PTPRC: variants seen among roughly 807,000 people sequenced by gnomAD.
The protein encoded by PTPRC is protein tyrosine phosphatase receptor type C.
Under a neutral mutation model 155.9 loss-of-function variants are expected in PTPRC, and 44 were observed. The ratio of observed to expected loss-of-function variants is 0.28; its 90% CI spans 0.22 to 0.36. The LOEUF (loss-of-function observed/expected upper bound fraction) is 0.36, where lower values mean the gene tolerates loss of function less well. Among genes scored for constraint, PTPRC ranks in the 10% least tolerant of loss-of-function variants. PTPRC has a pLI of 1.00. For missense variants in PTPRC, 1,401 were observed against 1,564.6 expected, an observed-to-expected ratio of 0.90 and a Z score of 1.76; for synonymous variants, 525 against 533.1, an observed-to-expected ratio of 0.98 and a Z score of 0.21.
At chr1:198,695,348 T>C (rs1390682725) in intron 3 of PTPRC, among the ~76,000 whole-genome samples, 4 of 151,286 alleles carry the variant, frequency 2.6e-5, no homozygotes, top group Admixed American at 6.6e-5. Flanking sequence ...TGTTGTGTGA[T>C]ATAGTTCAGT....
Position 198,756,372 on chromosome 1 carries a change from A to G in PTPRC, c.*191A>G, listed in dbSNP as rs1216047560. Reference sequence around the variant, plus strand: ...TTGCCAGAACAGTTTGTACAGACGTATGCTTATTTTAAAATTTTATCTCTT... The same window carrying G: ...TTGCCAGAACAGTTTGTACAGACGTGTGCTTATTTTAAAATTTTATCTCTT... On this transcript the variant is annotated 3_prime_UTR_variant, in exon 33 of 33. Transcript: ENST00000442510. 8 of 733,930 alleles carry G rather than the reference A, an allele frequency of 1.1e-5. No individual in the cohort carries two copies. The African/African-American group carries it at 1.4e-4, about 13-fold the overall frequency. The allele number at this position is 733,930 out of a possible 1,614,324, so 45.5% of individuals were successfully genotyped here.
chr1:198,755,821 C>A (rs993105332), intron 32 of PTPRC, 85 bp from the exon 33 acceptor site: 88 of 1,365,278 alleles, frequency 6.4e-5, no homozygotes, highest in Non-Finnish European at 9.0e-5. Context: ...ACAAATAAAT[C>A]ATTAGTTCTT....
chr1:198,714,439 A>G (rs1445255409), intron 12 of PTPRC, among the ~76,000 whole-genome samples: 1 of 152,118 alleles, frequency 6.6e-6, no homozygotes, highest in Non-Finnish European at 1.5e-5. Flanking sequence ...GGTCCTTCTT[A>G]TTGGGCAACT....
chr1:198,701,736 T>G (rs1308886579), intron 5 of PTPRC, among the ~76,000 whole-genome samples: 1 of 152,042 alleles, frequency 6.6e-6, no homozygotes, highest in Non-Finnish European at 1.5e-5. Flanking sequence ...TAATGTGGAG[T>G]TTGTTGGATT....
chr1:198,748,557 G>T (rs1325978055), intron 27 of PTPRC, among the ~76,000 whole-genome samples: 1 of 151,582 alleles, frequency 6.6e-6, no homozygotes. Context: ...CAGGGTAATT[G>T]ACAAATAGTA....
At chr1:198,661,245 G>T (rs1363896449) in intron 2 of PTPRC, among the ~76,000 whole-genome samples, 1 of 151,160 alleles carries the variant, frequency 6.6e-6, no homozygotes, top group Admixed American at 6.6e-5. Flanking sequence ...AATATAAAGA[G>T]GTTTTGTCTA....
chr1:198,703,703 G>A (rs1034681181), intron 7 of PTPRC: 1 of 360,066 alleles, frequency 2.8e-6, no homozygotes, highest in Non-Finnish European at 5.2e-6. Context: ...CAAGTGGTGA[G>A]CATCAGACGG....
At position 198,716,696 on chromosome 1, in the gene PTPRC, A is replaced by G. The variant is rs1406436986; in HGVS notation, c.1306A>G (p.Asn436Asp). ...TTTTTCCTCAGAAAAAGATTGCCTC[A>G]ATCTGGATAAAAACCTGATCAAATA... ...YIKETEKDCLNLDKNLIKYDL... is the reference protein window; with the variant it reads ...YIKETEKDCLDLDKNLIKYDL... The change falls in exon 13 of 33, where the codon AAT (asparagine) becomes GAT (aspartate). Residue 436 changes from asparagine (N) to aspartate (D), a missense_variant. Asn to Asp is a conservative substitution (Grantham distance 23, BLOSUM62 1). Around this residue, in one of 3 missense-constraint regions of PTPRC, gnomAD observed 867 missense variants for 970.4 expected, o/e 0.89. Coordinates refer to ENST00000442510, the MANE Select transcript of PTPRC (RefSeq NM_002838.5). The G allele has an allele frequency of 6.2e-7, 1 of 1,611,886 alleles. No homozygotes were observed. Among genetic ancestry groups the G allele is most frequent in the East Asian group, 2.2e-5 (1 of 44,802 alleles).
At chr1:198,712,087 A>C (rs995727641) in intron 11 of PTPRC, among the ~76,000 whole-genome samples, 5 of 152,196 alleles carry the variant, frequency 3.3e-5, no homozygotes, top group African/African-American at 9.7e-5. Flanking sequence ...AAACAGCCCA[A>C]ATGTGTATTC....
chr1:198,640,655 A>G (rs1662526962), intron 2 of PTPRC, among the ~76,000 whole-genome samples: 1 of 152,166 alleles, frequency 6.6e-6, no homozygotes, highest in East Asian at 1.9e-4. Context: ...ATGAAGTGAT[A>G]TATGTATATT....
Position 198,724,965 on chromosome 1 carries a change from C to T in PTPRC, c.1720+2489C>T, listed in dbSNP as rs572711112. ...TACAGGCAGGCACCACCACACCTGG[C>T]TAATTTTTGTATTTTTAGTAGAGAA... On this transcript the variant is annotated intron_variant, in intron 15 of 32. Coordinates refer to ENST00000442510, the MANE Select transcript of PTPRC (RefSeq NM_002838.5). 4.6e-5 allele frequency among the ~76,000 whole-genome samples: 7 copies of T among 152,142 alleles called. No individual in the cohort carries two copies. The South Asian group carries it at 1.5e-3, about 32-fold the overall frequency.
chr1:198,665,445 G>A (rs1664236174), intron 2 of PTPRC, among the ~76,000 whole-genome samples: 1 of 152,032 alleles, frequency 6.6e-6, no homozygotes, highest in Non-Finnish European at 1.5e-5. Flanking sequence ...GACCCTGAGG[G>A]TAAGGCAGGA....
intron 23 of PTPRC, among the ~76,000 whole-genome samples, chr1:198,737,596 G>A (rs1223196501): frequency 2.0e-5 from 3 of 151,654 alleles, no homozygotes; most frequent in Non-Finnish European, 4.4e-5. Context: ...TAGGTATTGT[G>A]ATTCCTCTAG....
chr1:198,735,772 C>T (rs1654607815), intron 23 of PTPRC, among the ~76,000 whole-genome samples: 1 of 151,328 alleles, frequency 6.6e-6, no homozygotes. Context: ...TATATAATTC[C>T]ATTATATGAA....
At chr1:198,704,429 A>T (rs1558009521) in intron 7 of PTPRC, 43 bp from the exon 8 acceptor site, 1 of 1,613,336 alleles carries the variant, frequency 6.2e-7, no homozygotes. Flanking sequence ...CAGATATTCT[A>T]AAGCAAAATT....
chr1:198,731,562 T>G (rs1558028044), intron 17 of PTPRC, 55 bp from the exon 18 acceptor site: 1 of 1,308,594 alleles, frequency 7.6e-7, no homozygotes, highest in Non-Finnish European at 1.1e-6. Flanking sequence ...ATGAAATGTG[T>G]ATGCCCACCT....
chr1:198,707,023 G>C, intron 9 of PTPRC, 71 bp downstream of exon 9: 1 of 1,272,094 alleles, frequency 7.9e-7, no homozygotes, highest in African/African-American at 1.5e-5. Flanking sequence ...GTTCTCCAGT[G>C]GTCACAGGAG....
chr1:198,733,660 T>G (rs1654497177), intron 20 of PTPRC, among the ~76,000 whole-genome samples: 1 of 151,718 alleles, frequency 6.6e-6, no homozygotes, highest in South Asian at 2.1e-4. Flanking sequence ...AAAGCAGACA[T>G]AGTAGGTAAT....
At chr1:198,682,012 C>T (rs1665363759) in intron 2 of PTPRC, among the ~76,000 whole-genome samples, 1 of 152,168 alleles carries the variant, frequency 6.6e-6, no homozygotes, top group African/African-American at 2.4e-5. Context: ...GCATGAGCTG[C>T]GCCTCTTCCT....
Sources: allele counts gnomAD v4.1 joint callset (sites outside exome capture counted in the v4.1 genomes callset), GRCh38; gene constraint gnomAD v4.1.1; regional missense constraint gnomAD v4.1.1; transcripts MANE v1.5; gene names NCBI Gene and HGNC (gene_info 2026-07-23, HGNC 2026-07-21).